RBFOX1: variants seen among roughly 807,000 people sequenced by gnomAD.
RBFOX1 encodes RNA binding protein fox-1 homolog 1.
Under a neutral mutation model 57.7 loss-of-function variants are expected in RBFOX1, and 8 were observed. The observed-to-expected ratio is 0.14, with a 90% CI of 0.08 to 0.25. The LOEUF is 0.25. Ranked by LOEUF, RBFOX1 falls within the 10% of genes least tolerant of loss-of-function variation. The pLI, the probability that RBFOX1 is intolerant of heterozygous loss-of-function variation, is 1.00. For missense variants in RBFOX1, 611 were observed against 548.5 expected, an observed-to-expected ratio of 1.11 and a Z score of -1.14; for synonymous variants, 326 against 222.4, an observed-to-expected ratio of 1.47 and a Z score of -4.15.
intron 1 of RBFOX1, among the ~76,000 whole-genome samples, chr16:6,048,646 G>A (rs548156343): frequency 8.6e-5 from 13 of 152,032 alleles, no homozygotes; most frequent in Non-Finnish European, 1.6e-4. Flanking sequence ...AATTTAGCTC[G>A]CTTTTAATAT....
chr16:5,983,914 TTCC>T (rs1596342537), intron 4 of RBFOX1, among the ~76,000 whole-genome samples: 1 of 98,336 alleles, frequency 1.0e-5, no homozygotes, highest in East Asian at 3.3e-4. Flanking sequence ...CCTCCTCCTC[TTCC>T]TCCTCCTCCC....
intron 4 of RBFOX1, among the ~76,000 whole-genome samples, chr16:7,427,963 T>A (rs1297910531): frequency 6.6e-6 from 1 of 152,194 alleles, no homozygotes; most frequent in Non-Finnish European, 1.5e-5. Flanking sequence ...TTCTTGAACA[T>A]ACTCCGTGCC....
At chr16:7,188,773 G>A (rs9302842) in intron 4 of RBFOX1, among the ~76,000 whole-genome samples, 86,721 of 152,046 alleles carry the variant, frequency 0.57, 24,989 homozygotes, top group African/African-American at 0.62. Context: ...AAGTAAGACC[G>A]CAAGAGCTGG....
intron 4 of RBFOX1, among the ~76,000 whole-genome samples, chr16:7,091,951 C>A (rs143743533): frequency 6.6e-6 from 1 of 152,166 alleles, no homozygotes; most frequent in Non-Finnish European, 1.5e-5. Context: ...CAACATCTGC[C>A]CATTTTGTTT....
chr16:5,669,944 G>C (rs963478097), intron 3 of RBFOX1, among the ~76,000 whole-genome samples: 1 of 152,192 alleles, frequency 6.6e-6, no homozygotes, highest in Admixed American at 6.5e-5. Flanking sequence ...AAAGCCCATC[G>C]AGGGAAGACT....
intron 3 of RBFOX1, among the ~76,000 whole-genome samples, chr16:6,787,423 C>G (rs559707961): frequency 6.6e-6 from 1 of 152,222 alleles, no homozygotes; most frequent in South Asian, 2.1e-4. Context: ...CGTGTGATTT[C>G]CAAAATTATT....
chr16:6,895,418 A>ATGTGTGTGTG (rs139075559), intron 3 of RBFOX1, among the ~76,000 whole-genome samples: 16 of 86,928 alleles, frequency 1.8e-4, no homozygotes, highest in African/African-American at 6.2e-4. Flanking sequence ...TTAGTAATAT[A>ATGTGTGTGTG]TGTGTGTGTG....
At chr16:6,869,318 A>G (rs1317949957) in intron 3 of RBFOX1, among the ~76,000 whole-genome samples, 1 of 152,188 alleles carries the variant, frequency 6.6e-6, no homozygotes, top group Middle Eastern at 3.2e-3. Context: ...CCACTGCCAG[A>G]TGAAGAAATG....
At chr16:6,233,227 C>T (rs17817199) in intron 1 of RBFOX1, among the ~76,000 whole-genome samples, 58,874 of 151,934 alleles carry the variant, frequency 0.39, 12,115 homozygotes, top group Middle Eastern at 0.54. Context: ...TTCAGAGAGG[C>T]CCCTTTAGCT....
At chr16:6,808,931 C>T (rs1002314184) in intron 3 of RBFOX1, among the ~76,000 whole-genome samples, 4 of 152,138 alleles carry the variant, frequency 2.6e-5, no homozygotes, top group Non-Finnish European at 5.9e-5. Flanking sequence ...TAAATATGTC[C>T]TGAGAAGGAC....
intron 3 of RBFOX1, among the ~76,000 whole-genome samples, chr16:5,727,236 C>T (rs2052185819): frequency 6.6e-6 from 1 of 151,496 alleles, no homozygotes; most frequent in South Asian, 2.1e-4. Context: ...TGTGCCACTG[C>T]ACTCCAGCCT....
At chr16:5,729,906 G>A (rs1342938942) in intron 3 of RBFOX1, among the ~76,000 whole-genome samples, 1 of 152,202 alleles carries the variant, frequency 6.6e-6, no homozygotes, top group Non-Finnish European at 1.5e-5. Flanking sequence ...CTGCATCTAA[G>A]CTCAGGGAAG....
intron 4 of RBFOX1, among the ~76,000 whole-genome samples, chr16:5,883,371 A>C (rs1316834868): frequency 6.6e-6 from 1 of 152,230 alleles, no homozygotes; most frequent in East Asian, 1.9e-4. Flanking sequence ...ATACAATCCT[A>C]TTCCTCATAA....
intron 4 of RBFOX1, among the ~76,000 whole-genome samples, chr16:7,154,132 A>G (rs190123874): frequency 1.3e-5 from 2 of 152,322 alleles, no homozygotes; most frequent in African/African-American, 4.8e-5. Context: ...GTTTTTGCAC[A>G]TCATAGTTCA....
At chr16:6,503,787 A>T (rs566921476) in intron 2 of RBFOX1, among the ~76,000 whole-genome samples, 2 of 152,168 alleles carry the variant, frequency 1.3e-5, no homozygotes, top group Non-Finnish European at 1.5e-5. Flanking sequence ...CGATGGAGGA[A>T]GCTTCACACT....
At chr16:7,111,515 G>A (rs558847288) in intron 4 of RBFOX1, among the ~76,000 whole-genome samples, 6 of 152,160 alleles carry the variant, frequency 3.9e-5, no homozygotes, top group Non-Finnish European at 5.9e-5. Flanking sequence ...GCTGTTGGGG[G>A]AAGGGTGGTG....
In RBFOX1 at chr16:7,467,714, C is replaced by T. The variant is rs534036220; in HGVS notation, c.28-50433C>T. Reference sequence around the variant, plus strand: ...AGTGGGGATATAAACTCGGATCTGTCTACTGGGACACCCCTTATCTTCCCA... The same window carrying T: ...AGTGGGGATATAAACTCGGATCTGTTTACTGGGACACCCCTTATCTTCCCA... On this transcript the variant is annotated intron_variant, in intron 4 of 15. Coordinates refer to ENST00000550418, the MANE Select transcript of RBFOX1 (RefSeq NM_018723.4). Among the ~76,000 whole-genome samples, 9 of 152,338 alleles carry T rather than the reference C, an allele frequency of 5.9e-5. 1 individual carries two copies. The South Asian group carries it at 1.9e-3, about 32-fold the overall frequency.
chr16:6,185,547 C>T (rs776457223), intron 1 of RBFOX1, among the ~76,000 whole-genome samples: 7 of 152,290 alleles, frequency 4.6e-5, no homozygotes, highest in East Asian at 1.9e-4. Context: ...TCCTTGTTCA[C>T]GATGAAATCG....
chr16:6,395,450 C>A (rs1431790738), intron 2 of RBFOX1, among the ~76,000 whole-genome samples: 2 of 152,220 alleles, frequency 1.3e-5, no homozygotes, highest in African/African-American at 4.8e-5. Flanking sequence ...GGCTCTGTAA[C>A]TTTCTACCTT....
Sources: gnomAD v4.1 joint callset for allele counts (sites outside exome capture counted in the v4.1 genomes callset) on GRCh38, gnomAD v4.1.1 for gene constraint, MANE v1.5 for transcripts, NCBI Gene and HGNC (gene_info 2026-07-23, HGNC 2026-07-21) for gene names.